Variants in RARB observed in about 807,000 individuals in gnomAD.
RARB encodes the protein HBV-activated protein.
RARB carries 17 observed loss-of-function variants against 51.9 expected under a neutral mutation model. That is an observed-to-expected ratio of 0.33 (90% CI 0.22 to 0.49). The LOEUF (loss-of-function observed/expected upper bound fraction) is 0.49. Among genes scored for constraint, RARB ranks in the 20% least tolerant of loss-of-function variants. RARB has a pLI of 0.99. For synonymous variants in RARB, 215 were observed against 195.4 expected, an observed-to-expected ratio of 1.10 and a Z score of -0.84; for missense variants, 369 against 550.8, an observed-to-expected ratio of 0.67 and a Z score of 3.30.
At chr3:25,203,569 C>T (rs2125372577) in intron 5 of RARB, among the ~76,000 whole-genome samples, 1 of 152,304 alleles carries the variant, frequency 6.6e-6, no homozygotes, top group East Asian at 1.9e-4. Context: ...GTGGCTGGTA[C>T]TGGTTGTTCC....
At chr3:25,208,868 C>T (rs748977252) in intron 5 of RARB, among the ~76,000 whole-genome samples, 1 of 152,128 alleles carries the variant, frequency 6.6e-6, no homozygotes, top group Non-Finnish European at 1.5e-5. Flanking sequence ...CTGCCTACTT[C>T]ATTATCTTTA....
chr3:25,119,778 G>T (rs1035482608), intron 3 of RARB, among the ~76,000 whole-genome samples: 2 of 152,044 alleles, frequency 1.3e-5, no homozygotes, highest in African/African-American at 4.8e-5. Flanking sequence ...TAAACATTCA[G>T]ATGGACTTTC....
At chr3:25,222,077 A>G (rs1701960109) in intron 5 of RARB, among the ~76,000 whole-genome samples, 1 of 152,184 alleles carries the variant, frequency 6.6e-6, no homozygotes, top group Non-Finnish European at 1.5e-5. Flanking sequence ...TTGGTAATAC[A>G]TCACTGGCGT....
chr3:25,134,803 G>A (rs1228070732), intron 4 of RARB, among the ~76,000 whole-genome samples: 1 of 145,928 alleles, frequency 6.9e-6, no homozygotes, highest in African/African-American at 2.5e-5. Context: ...AATGTAGCTA[G>A]GAATGGATCT....
intron 5 of RARB, among the ~76,000 whole-genome samples, chr3:25,351,009 C>T (rs529391928): frequency 1.4e-4 from 21 of 152,280 alleles, no homozygotes; most frequent in East Asian, 7.7e-4. Context: ...CTCCCGTTTC[C>T]GAACACAGAG....
At chr3:24,976,414 C>G (rs768705456) in intron 2 of RARB, among the ~76,000 whole-genome samples, 5 of 152,224 alleles carry the variant, frequency 3.3e-5, no homozygotes, top group African/African-American at 1.2e-4. Flanking sequence ...TGTTTCTCCA[C>G]ATCCTCTCCA....
rs1696221426 is a variant in RARB at position 24,964,916 on chromosome 3, C to G, written c.-379-95209C>G. 2.0e-5 allele frequency among the ~76,000 whole-genome samples: 3 copies of G among 152,148 alleles called. No homozygotes were observed. The South Asian group carries it at 6.2e-4, about 31-fold the overall frequency. ...GTGACAGGTTTCTTAGTTCACATCACATAGGCAGATATTCATTTGTACTGT... is the reference window on the plus strand; with the variant it reads ...GTGACAGGTTTCTTAGTTCACATCAGATAGGCAGATATTCATTTGTACTGT... On this transcript the variant is annotated intron_variant, in intron 2 of 11. Coordinates refer to the RARB transcript ENST00000383772.
chr3:25,316,485 G>T (rs565325734), intron 5 of RARB, among the ~76,000 whole-genome samples: 9 of 152,202 alleles, frequency 5.9e-5, no homozygotes, highest in Admixed American at 1.3e-4. Flanking sequence ...TATTTAATTT[G>T]GAAAAGCATG....
chr3:24,886,754 C>T (rs113702800), intron 2 of RARB, among the ~76,000 whole-genome samples: 2 of 152,198 alleles, frequency 1.3e-5, no homozygotes, highest in South Asian at 2.1e-4. Flanking sequence ...AAACTTGATA[C>T]TCCTAGGGCA....
chr3:25,081,615 ATATATATTTTTTTTTTTTT>A (rs1228161094), intron 3 of RARB, among the ~76,000 whole-genome samples: 2 of 10,360 alleles, frequency 1.9e-4, no homozygotes, highest in African/African-American at 8.8e-4. Flanking sequence ...ATATATATAT[ATATATATTTTTTTTTTTTT>A]TTTTTTTTTT....
intron 1 of RARB, among the ~76,000 whole-genome samples, chr3:25,445,675 A>T (rs1708899351): frequency 6.6e-6 from 1 of 152,168 alleles, no homozygotes; most frequent in South Asian, 2.1e-4. Context: ...TCAAAAAAAA[A>T]TAATAAGGAA....
intron 4 of RARB, among the ~76,000 whole-genome samples, chr3:25,577,919 C>T (rs1389037074): frequency 6.6e-6 from 1 of 152,232 alleles, no homozygotes; most frequent in Non-Finnish European, 1.5e-5. Flanking sequence ...GCTCCTGTAG[C>T]CCCTGCCGAA....
Position 25,131,869 on chromosome 3 carries a change from A to G in RARB, c.-327-292A>G, listed in dbSNP as rs1427558601. 3.9e-5 allele frequency among the ~76,000 whole-genome samples: 6 copies of G among 152,108 alleles called. No individual in the cohort carries two copies. In the South Asian group the frequency reaches 1.2e-3, roughly 31 times the overall value. On this transcript the variant is annotated intron_variant, in intron 3 of 11. Transcript: ENST00000383772. ...AGAAGTTTTTCACCGTTACTAGCAC[A>G]AAATCTATGTGGGATAGATAAAGGC...
chr3:24,840,611 C>G (rs1183923306), intron 1 of RARB, among the ~76,000 whole-genome samples: 2 of 152,002 alleles, frequency 1.3e-5, no homozygotes, highest in Admixed American at 1.3e-4. Context: ...ACCAAGTTTC[C>G]TAACTCATGG....
At chr3:24,986,125 T>A (rs1036486759) in intron 2 of RARB, among the ~76,000 whole-genome samples, 2 of 152,240 alleles carry the variant, frequency 1.3e-5, no homozygotes, top group African/African-American at 4.8e-5. Flanking sequence ...TGTTTGATTC[T>A]GAACACTGTG....
At chr3:25,098,088 C>T (rs144259414) in intron 3 of RARB, among the ~76,000 whole-genome samples, 4 of 152,104 alleles carry the variant, frequency 2.6e-5, no homozygotes, top group African/African-American at 9.7e-5. Context: ...ACACACACAG[C>T]TATGAGTTTT....
intron 3 of RARB, among the ~76,000 whole-genome samples, chr3:25,507,413 T>G (rs1041206228): frequency 5.9e-5 from 9 of 152,358 alleles, no homozygotes; most frequent in African/African-American, 1.9e-4. Context: ...CTCAACTTCT[T>G]GGAGGCTGTG....
At chr3:25,231,799 A>G (rs1374483523) in intron 5 of RARB, among the ~76,000 whole-genome samples, 2 of 152,080 alleles carry the variant, frequency 1.3e-5, no homozygotes, top group Non-Finnish European at 1.5e-5. Context: ...TTTTTAATAT[A>G]ATCTGCTTAT....
chr3:25,217,990 T>A (rs1015234953), intron 5 of RARB, among the ~76,000 whole-genome samples: 6 of 152,092 alleles, frequency 3.9e-5, no homozygotes, highest in East Asian at 1.9e-4. Context: ...TTAAAAAAAA[T>A]TCCCTCTACT....
Sources: allele counts gnomAD v4.1 joint callset (sites outside exome capture counted in the v4.1 genomes callset), GRCh38; gene constraint gnomAD v4.1.1; transcripts MANE v1.5; gene names NCBI Gene and HGNC (gene_info 2026-07-23, HGNC 2026-07-21).